The following PIF1 variants were observed in gnomAD, a reference collection of about 807,000 sequenced individuals.
PIF1 encodes PIF1 5'-to-3' DNA helicase, also known as ATP-dependent DNA helicase PIF1.
A neutral mutation model predicts 62.3 loss-of-function variants in PIF1; 67 were observed. The ratio of observed to expected loss-of-function variants is 1.08; its 90% confidence interval spans 0.88 to 1.32. The LOEUF (loss-of-function observed/expected upper bound fraction) is 1.32, where lower values mean the gene tolerates loss of function less well. Among genes scored for constraint, PIF1 ranks in the 40% most tolerant of loss-of-function variants. The probability of loss-of-function intolerance (pLI) is 0.00; values close to 1 mark genes in which losing one functional copy is unlikely to be tolerated. For synonymous variants in PIF1, 364 were observed against 379.5 expected (o/e 0.96, Z 0.47); for missense variants, 886 against 866.1 (o/e 1.02, Z -0.29).
At chr15:64,816,901 G>A in intron 11 of PIF1, 136 bp from the exon 12 acceptor site, 1 of 769,358 alleles carries the variant, frequency 1.3e-6, no homozygotes, top group Non-Finnish European at 2.0e-6. Flanking sequence ...CAGAGGGAGA[G>A]CATGACAGCA....
chr15:64,821,620 G>A (rs2084290836), intron 4 of PIF1, 100 bp from the exon 5 acceptor site: 5 of 1,369,616 alleles, frequency 3.7e-6, no homozygotes, highest in Non-Finnish European at 4.8e-6. Flanking sequence ...CACCCAGGCT[G>A]AAGTGCAGTG....
intron 11 of PIF1, 113 bp from the exon 12 acceptor site, chr15:64,816,878 G>T: frequency 9.9e-7 from 1 of 1,013,106 alleles, no homozygotes; most frequent in Non-Finnish European, 1.4e-6. Flanking sequence ...GTCCAGTCCA[G>T]AGAGTCTCTA....
At position 64,816,628 on chromosome 15, in the gene PIF1, G is replaced by A. The variant is rs762125634; in HGVS notation, c.1812C>T (p.Asp604=). The A allele has an allele frequency of 6.2e-6, 10 of 1,613,960 alleles. No homozygotes were observed. The highest frequency in any genetic ancestry group is 7.6e-6 in the Non-Finnish European group (9 of 1,180,012). The change falls in exon 12 of 13, where the codon GAC becomes GAT. Residue 604 remains aspartate, a synonymous_variant. Coordinates refer to ENST00000559239, the MANE Select transcript of PIF1 (RefSeq NM_001286496.2). ...LDFDPMAVRC[D]PRVLHFYATL... The stretch of plus-strand genomic sequence containing the variant: ...TGGCATAGAAGTGCAGCACACGGGG[G>A]TCACAGCGAACCGCCATGGGGTCAA...
chr15:64,818,384 C>T (rs1417898881), intron 9 of PIF1, 40 bp from the exon 10 acceptor site: 1 of 1,596,652 alleles, frequency 6.3e-7, no homozygotes, highest in Non-Finnish European at 8.6e-7. Flanking sequence ...GCCCCCCTAC[C>T]CATGCCTGGT....
At position 64,820,967 on chromosome 15, in the gene PIF1, A is replaced by G. The variant is rs779509449; in HGVS notation, c.1193+15T>C. ...TCCTCATCCCATAGCCCCTTCCCCA[A>G]CCAGCAGAGCTCACCTGCCTAGCCT... is the stretch of plus-strand genomic sequence containing the variant. On this transcript the variant is annotated intron_variant, in intron 7 of 12. Transcript: ENST00000559239. 3.1e-6 allele frequency: 5 copies of G among 1,610,560 alleles called. No individual in the cohort carries two copies. The highest frequency in any genetic ancestry group is 4.2e-6 in the Non-Finnish European group (5 of 1,177,722).
In PIF1 at chr15:64,822,564, G is replaced by C; in HGVS notation, c.605C>G (p.Ser202Cys). The change falls in exon 3 of 13, where the codon TCC becomes TGC. Residue 202 changes from serine (S) to cysteine (C), a missense_variant. By Grantham distance (112) the Ser-to-Cys change is moderately radical. Coordinates refer to ENST00000559239, the MANE Select transcript of PIF1 (RefSeq NM_001286496.2). The part of the protein sequence containing the change: ...PLPVKRLSLP[S>C]TKPQLSEEQA... ...TTCCTCAGAAAGCTGTGGCTTGGTG[G>C]AGGGCAAGCTCAGCCTCTTCACAGG... 1 of 1,614,162 alleles carries C rather than the reference G, an allele frequency of 6.2e-7. No individual in the cohort carries two copies. The highest frequency in any genetic ancestry group is 8.5e-7 in the Non-Finnish European group (1 of 1,180,028).
Position 64,821,193 on chromosome 15 carries a change from A to G in PIF1, c.1060T>C (p.Ser354Pro), listed in dbSNP as rs770783338. 6.2e-7 allele frequency: 1 copy of G among 1,614,200 alleles called. No homozygotes were observed. Among genetic ancestry groups the G allele is most frequent in the East Asian group, 2.2e-5 (1 of 44,882 alleles). The change falls in exon 6 of 13, where the codon TCC (serine) becomes CCC (proline). Residue 354 changes from serine to proline, a missense_variant. Physicochemically the swap from Ser to Pro is moderately conservative, Grantham distance 74. Transcript: ENST00000559239. ...FLQLPPVTKG[S>P]QPPRFCFQSK... ...TGGAAGCAGAACCGTGGGGGCTGGG[A>G]GCCCTTGGTCACAGGTGGCAGCTGC... is the stretch of plus-strand genomic sequence containing the variant.
Position 64,816,060 on chromosome 15 carries a change from G to A in PIF1, c.*238C>T. On this transcript the variant is annotated 3_prime_UTR_variant, in exon 13 of 13. Coordinates refer to ENST00000559239, the MANE Select transcript of PIF1 (RefSeq NM_001286496.2). ...CTCATTCTCAACTGGCACAGAAAGG[G>A]TTACTTCTGACCCTACAGCAGCTTA... 6.8e-7 allele frequency: 1 copy of A among 1,460,042 alleles called. No individual in the cohort carries two copies. The highest frequency in any genetic ancestry group is 1.4e-5 in the African/African-American group (1 of 70,474). 90.4% of individuals were successfully genotyped at this position (1,460,042 alleles called of 1,614,324 possible).
rs2084333973 is a variant in PIF1, at chr15:64,824,192, G to C, written c.144C>G (p.Asn48Lys). The change falls in exon 2 of 13, where the codon AAC (asparagine) becomes AAG (lysine). Residue 48 changes from asparagine (N) to lysine (K), a missense_variant. Physicochemically the swap from Asn to Lys is moderately conservative, Grantham distance 94 (BLOSUM62 0). Coordinates refer to ENST00000559239, the MANE Select transcript of PIF1 (RefSeq NM_001286496.2). ...GCCGCAGCATCAACTCGCGGCGCTC[G>C]TTGCGACCCAGGCTCAGCTCCGCGG... The part of the protein sequence containing the change: ...LRTAELSLGR[N>K]ERRELMLRLQ... The C allele has an allele frequency of 3.0e-6, 4 of 1,347,662 alleles. No individual in the cohort carries two copies. Among genetic ancestry groups the C allele is most frequent in the Non-Finnish European group, 3.8e-6 (4 of 1,045,414 alleles). The allele number at this position is 1,347,662 out of a possible 1,614,324, so 83.5% of individuals were successfully genotyped here. A position where few individuals can be genotyped will look rare whatever the true frequency, so the allele number is the denominator to read the frequency against.
chr15:64,820,562 A>T (rs1390392347), intron 7 of PIF1, among the ~76,000 whole-genome samples: 2 of 151,954 alleles, frequency 1.3e-5, no homozygotes, highest in African/African-American at 2.4e-5. Flanking sequence ...ACGCCCAGCT[A>T]ATTTTTGTAT....
At chr15:64,824,466 C>T (rs1567089156) in intron 1 of PIF1, 112 bp from the exon 2 acceptor site, 1 of 652,652 alleles carries the variant, frequency 1.5e-6, no homozygotes, top group Non-Finnish European at 2.2e-6. Context: ...GTCAAGGCTA[C>T]ACAAGATCAC....
intron 7 of PIF1, 69 bp from the exon 8 acceptor site, chr15:64,820,055 T>C: frequency 1.3e-6 from 2 of 1,559,658 alleles, no homozygotes; most frequent in Non-Finnish European, 1.7e-6. Flanking sequence ...ATGGGCAGGA[T>C]GGCTCAAGCA....
Position 64,819,110 on chromosome 15 carries a change from C to T in PIF1, c.1440+7G>A. Reference sequence around the variant, plus strand: ...CTCCCAGGGGCTAGGCCCTGCTTCCCACTCACCTGGGCCCCCAGCTTTAGT... The same window carrying T: ...CTCCCAGGGGCTAGGCCCTGCTTCCTACTCACCTGGGCCCCCAGCTTTAGT... On this transcript the variant is annotated splice_region_variant and intron_variant, in intron 9 of 12. Coordinates refer to ENST00000559239, the MANE Select transcript of PIF1 (RefSeq NM_001286496.2). The T allele has an allele frequency of 6.3e-7, 1 of 1,578,716 alleles. No homozygotes were observed. Among genetic ancestry groups the T allele is most frequent in the Non-Finnish European group, 8.6e-7 (1 of 1,168,992 alleles).
intron 8 of PIF1, 59 bp from the exon 9 acceptor site, chr15:64,819,282 C>A: frequency 8.8e-7 from 1 of 1,132,898 alleles, no homozygotes; most frequent in Non-Finnish European, 1.3e-6. Context: ...CTCAGCATCC[C>A]AAAAAAGACT....
intron 10 of PIF1, 23 bp downstream of exon 10, chr15:64,818,234 T>A: frequency 2.5e-6 from 4 of 1,613,662 alleles, no homozygotes; most frequent in Non-Finnish European, 3.4e-6. Flanking sequence ...GTAGCAGGAC[T>A]GCCACCTCCT....
rs1031443273 is a variant in PIF1, at chr15:64,815,703, A to G, written c.*595T>C. Reference sequence around the variant, plus strand: ...GAGAACATCCATTTCAATGTCCCCAAACACTATTTATCCCCTGAAAAAGCA... The same window carrying G: ...GAGAACATCCATTTCAATGTCCCCAGACACTATTTATCCCCTGAAAAAGCA... On this transcript the variant is annotated 3_prime_UTR_variant, in exon 13 of 13. Transcript: ENST00000559239. 14 of 1,549,880 alleles carry G rather than the reference A, an allele frequency of 9.0e-6. No individual in the cohort carries two copies. The highest frequency in any genetic ancestry group is 1.4e-5 in the African/African-American group (1 of 73,008).
At chr15:64,817,361 A>G (rs1353463833) in intron 11 of PIF1, among the ~76,000 whole-genome samples, 1 of 152,092 alleles carries the variant, frequency 6.6e-6, no homozygotes, top group African/African-American at 2.4e-5. Flanking sequence ...CCTGGCCAAC[A>G]TGGCAAAACC....
intron 11 of PIF1, 54 bp from the exon 12 acceptor site, chr15:64,816,819 C>T (rs966634482): frequency 1.5e-5 from 22 of 1,495,406 alleles, no homozygotes; most frequent in Admixed American, 2.3e-5. Flanking sequence ...TCCCTTGCCC[C>T]GAAAGGCCTG....
In PIF1 at chr15:64,821,438, G is replaced by T. The variant is rs753816068; in HGVS notation, c.900C>A (p.Cys300Ter). ...RPGVRQGWLNCQRLVIDEISM... is the reference protein window; with the variant it reads ...RPGVRQGWLN ...AGATCTCGTCAATGACCAACCGCTG[G>T]CAGTTCAGCCAGCCCTGCCGCACGC... Residue 300 changes from cysteine to a stop codon, truncating the protein, a stop_gained, in exon 5 of 13, where the codon TGC becomes TGA. Transcript: ENST00000559239. LOFTEE classifies it high-confidence loss of function. The T allele has an allele frequency of 6.2e-7, 1 of 1,614,178 alleles. No homozygotes were observed. The highest frequency in any genetic ancestry group is 2.2e-5 in the East Asian group (1 of 44,884).
Sources: gnomAD v4.1 joint callset for allele counts (sites outside exome capture counted in the v4.1 genomes callset) on GRCh38, gnomAD v4.1.1 for gene constraint, MANE v1.5 for transcripts, NCBI Gene and HGNC (gene_info 2026-07-23, HGNC 2026-07-21) for gene names.